The following LEF1 variants were observed in gnomAD, a reference collection of about 807,000 sequenced individuals.
The protein encoded by LEF1 is lymphoid enhancer binding factor 1.
Under a neutral mutation model 51.2 loss-of-function variants are expected in LEF1, and 14 were observed. The observed-to-expected ratio is 0.27, with a 90% confidence interval of 0.18 to 0.43. The LOEUF (loss-of-function observed/expected upper bound fraction) is 0.43, where lower values mean the gene tolerates loss of function less well. Among genes scored for constraint, LEF1 ranks in the 20% least tolerant of loss-of-function variants. LEF1 has a pLI of 1.00. For missense variants in LEF1, 386 were observed against 512.0 expected (o/e 0.75, Z 2.37); for synonymous variants, 185 against 183.2 (o/e 1.01, Z -0.08).
chr4:108,123,304 C>A (rs1178147529), intron 3 of LEF1, among the ~76,000 whole-genome samples: 1 of 152,160 alleles, frequency 6.6e-6, no homozygotes, highest in African/African-American at 2.4e-5. Flanking sequence ...CATTTTTCTT[C>A]TTCTAGTCAG....
chr4:108,128,085 A>C (rs1202031387), intron 3 of LEF1, among the ~76,000 whole-genome samples: 8 of 152,230 alleles, frequency 5.3e-5, no homozygotes, highest in Admixed American at 5.2e-4. Context: ...AGTTCAGTGC[A>C]TTAGTTCAAA....
At chr4:108,103,122 C>T (rs1246535083) in intron 3 of LEF1, among the ~76,000 whole-genome samples, 2 of 152,248 alleles carry the variant, frequency 1.3e-5, no homozygotes, top group Non-Finnish European at 2.9e-5. Flanking sequence ...GAGTGGGCCA[C>T]TAGGCCTCAG....
intron 3 of LEF1, among the ~76,000 whole-genome samples, chr4:108,119,424 A>T (rs1742030976): frequency 6.6e-6 from 1 of 152,108 alleles, no homozygotes; most frequent in South Asian, 2.1e-4. Context: ...TTCTGAGTCC[A>T]TATTACATAT....
intron 3 of LEF1, among the ~76,000 whole-genome samples, chr4:108,101,616 C>G (rs1668951347): frequency 6.6e-6 from 1 of 152,166 alleles, no homozygotes; most frequent in Admixed American, 6.5e-5. Flanking sequence ...CTGTGTACAA[C>G]AACTTGGAGT....
chr4:108,160,197 G>A (rs1344322080), intron 3 of LEF1, among the ~76,000 whole-genome samples: 1 of 152,214 alleles, frequency 6.6e-6, no homozygotes, highest in Non-Finnish European at 1.5e-5. Context: ...AGCTGGCCAA[G>A]CTCACCATTC....
Position 108,166,143 on chromosome 4 carries a change from C to T in LEF1, c.214-980G>A, listed in dbSNP as rs1232805668. 4.6e-6 allele frequency: 4 copies of T among 864,100 alleles called. No homozygotes were observed. In the Admixed American group the frequency reaches 1.1e-4, roughly 23 times the overall value. The allele number at this position is 864,100 out of a possible 1,614,324, so 53.5% of individuals were successfully genotyped here. A position where few individuals can be genotyped will look rare whatever the true frequency, so the allele number is the denominator to read the frequency against. On this transcript the variant is annotated intron_variant, in intron 1 of 11. Coordinates refer to ENST00000265165, the MANE Select transcript of LEF1 (RefSeq NM_016269.5). ...TCCTTTTCCCAGCACACAGTAGTCA[C>T]AAATCTTTTACGCGGGGTTAGGTGC...
chr4:108,073,509 G>A (rs1471552929), intron 8 of LEF1, among the ~76,000 whole-genome samples: 1 of 152,096 alleles, frequency 6.6e-6, no homozygotes. Flanking sequence ...AAGAAGACAG[G>A]AAGTCTTCCA....
intron 3 of LEF1, among the ~76,000 whole-genome samples, chr4:108,138,336 C>A (rs1227572715): frequency 6.6e-6 from 1 of 152,058 alleles, no homozygotes; most frequent in Admixed American, 6.5e-5. Context: ...ATTTGCATTG[C>A]CTTTACACAA....
At chr4:108,152,461 T>C (rs1744418370) in intron 3 of LEF1, among the ~76,000 whole-genome samples, 1 of 152,044 alleles carries the variant, frequency 6.6e-6, no homozygotes, top group Non-Finnish European at 1.5e-5. Context: ...GAAAACCTCA[T>C]GAGATCTGAC....
intron 3 of LEF1, among the ~76,000 whole-genome samples, chr4:108,156,073 C>G (rs552342060): frequency 1.2e-4 from 19 of 152,342 alleles, no homozygotes; most frequent in African/African-American, 4.6e-4. Flanking sequence ...GCATTAACCA[C>G]ATGATTCTGA....
At chr4:108,166,677 G>T (rs1030254377) in intron 1 of LEF1, 39 of 999,848 alleles carry the variant, frequency 3.9e-5, no homozygotes, top group Admixed American at 5.9e-5. Flanking sequence ...CGCCCGCAGC[G>T]GGCCAGAAGA....
intron 3 of LEF1, among the ~76,000 whole-genome samples, chr4:108,148,410 A>C (rs1487874549): frequency 3.3e-5 from 5 of 152,210 alleles, no homozygotes; most frequent in African/African-American, 1.2e-4. Context: ...GCAGGTAAAG[A>C]ATGAATAGTA....
chr4:108,105,719 T>C (rs535882042), intron 3 of LEF1, among the ~76,000 whole-genome samples: 58 of 152,312 alleles, frequency 3.8e-4, no homozygotes, highest in African/African-American at 1.3e-3. Context: ...GATAGAGCAA[T>C]GGATATGATC....
At chr4:108,158,895 A>C (rs186752409) in intron 3 of LEF1, among the ~76,000 whole-genome samples, 4 of 152,276 alleles carry the variant, frequency 2.6e-5, no homozygotes, top group Admixed American at 6.5e-5. Context: ...TGATGAGAGC[A>C]AATCTAAGAC....
chr4:108,134,255 A>C (rs147655594), intron 3 of LEF1, among the ~76,000 whole-genome samples: 138 of 152,204 alleles, frequency 9.1e-4, no homozygotes, highest in Non-Finnish European at 1.8e-3. Flanking sequence ...GTCCTCAGTG[A>C]ATACACAAGT....
intron 1 of LEF1, chr4:108,166,242 G>A (rs771702932): frequency 2.0e-5 from 31 of 1,534,572 alleles, no homozygotes; most frequent in Non-Finnish European, 2.7e-5. Context: ...TCTGAACGCA[G>A]GCCCCCAGCC....
intron 3 of LEF1, among the ~76,000 whole-genome samples, chr4:108,125,753 T>C (rs1742488201): frequency 6.6e-6 from 1 of 152,070 alleles, no homozygotes; most frequent in Non-Finnish European, 1.5e-5. Context: ...GGAAAACAGT[T>C]TAGTAGTCAA....
chr4:108,112,527 G>A (rs1741595464), intron 3 of LEF1, among the ~76,000 whole-genome samples: 1 of 152,160 alleles, frequency 6.6e-6, no homozygotes, highest in Non-Finnish European at 1.5e-5. Context: ...GACACTTATT[G>A]TACAACCTTG....
intron 8 of LEF1, among the ~76,000 whole-genome samples, chr4:108,072,422 C>T (rs559034379): frequency 1.2e-4 from 18 of 152,302 alleles, no homozygotes; most frequent in South Asian, 2.1e-4. Context: ...ACCACCAGTG[C>T]GAGAAGCAGC....
Sources: gnomAD v4.1 joint callset for allele counts (sites outside exome capture counted in the v4.1 genomes callset) on GRCh38, gnomAD v4.1.1 for gene constraint, MANE v1.5 for transcripts, NCBI Gene and HGNC (gene_info 2026-07-23, HGNC 2026-07-21) for gene names.